OR1L8: variants seen among roughly 807,000 people sequenced by gnomAD.
The protein encoded by OR1L8 is olfactory receptor 1L8.
For missense variants in OR1L8, 330 were observed against 377.4 expected, an observed-to-expected ratio of 0.87 and a Z score of 1.04; for synonymous variants, 148 against 147.0, an observed-to-expected ratio of 1.01 and a Z score of -0.05.
the OR1L8 span, chr9:122,553,133 A>G: frequency 4.8e-6 from 7 of 1,455,480 alleles, no homozygotes; most frequent in Non-Finnish European, 6.6e-6. Context: ...ACACAGATGC[A>G]TATCTGTAAA....
chr9:122,571,326 C>T lies in OR1L8; in HGVS notation c.-213+1454G>A, dbSNP rs561095247. ...CAGCACTTTGGGAGGCTGAGGCAGGCGGATCACAAGGTCAGGAGATTGGGT... is the reference window on the plus strand; with the variant it reads ...CAGCACTTTGGGAGGCTGAGGCAGGTGGATCACAAGGTCAGGAGATTGGGT... On this transcript the variant is annotated intron_variant, in intron 4 of 4. Coordinates refer to ENST00000641027, the MANE Select transcript of OR1L8 (RefSeq NM_001004454.2). 6.1e-4 allele frequency among the ~76,000 whole-genome samples: 92 copies of T among 151,686 alleles called. 1 individual carries two copies. Among genetic ancestry groups the T allele is most frequent in the Non-Finnish European group, 4.4e-4 (30 of 67,912 alleles).
chr9:122,567,752 A>G lies in OR1L8; in HGVS notation c.726T>C (p.Cys242=). 1 of 1,614,164 alleles carries G rather than the reference A, an allele frequency of 6.2e-7. No homozygotes were observed. The highest frequency in any genetic ancestry group is 8.5e-7 in the Non-Finnish European group (1 of 1,180,014). The change falls in exon 5 of 5, where the codon TGT becomes TGC. Residue 242 remains cysteine (C), a synonymous_variant. Transcript: ENST00000641027. ...TSGKRKAFST[C]GFYLTVVTLF... is the part of the protein sequence containing the mutation. ...GCGTCACCACGGTGAGGTAAAAACC[A>G]CAGGTGGAGAAGGCTTTGCGTTTCC...
At chr9:122,581,616 A>G (rs112743527) in intron 1 of OR1L8, among the ~76,000 whole-genome samples, 19 of 152,270 alleles carry the variant, frequency 1.2e-4, no homozygotes, top group African/African-American at 3.9e-4. Context: ...AGAAAATGTG[A>G]ATTCACAGAG....
chr9:122,573,859 T>G (rs946283849), intron 3 of OR1L8, among the ~76,000 whole-genome samples: 7 of 152,242 alleles, frequency 4.6e-5, no homozygotes, highest in Non-Finnish European at 5.9e-5. Flanking sequence ...TTATCCTCTA[T>G]GAGTTTCACA....
the OR1L8 span, among the ~76,000 whole-genome samples, chr9:122,550,740 G>T: frequency 1.3e-5 from 2 of 151,770 alleles, no homozygotes; most frequent in Admixed American, 1.3e-4. Flanking sequence ...GGCCTAGAAG[G>T]AATATACCTA....
At chr9:122,577,795 T>G (rs1048320019) in intron 2 of OR1L8, among the ~76,000 whole-genome samples, 1 of 152,244 alleles carries the variant, frequency 6.6e-6, no homozygotes, top group Non-Finnish European at 1.5e-5. Flanking sequence ...CAAACATATC[T>G]GAAGAAAAAT....
the OR1L8 span, chr9:122,553,463 G>T: frequency 2.5e-6 from 4 of 1,614,040 alleles, no homozygotes; most frequent in Non-Finnish European, 3.4e-6. Context: ...TCCCCAAAAT[G>T]CTGGCCAACA....
chr9:122,562,459 A>T (rs10818718), downstream of OR1L8, among the ~76,000 whole-genome samples: 1 of 151,992 alleles, frequency 6.6e-6, no homozygotes, highest in East Asian at 1.9e-4. Flanking sequence ...AGGGGCTCTC[A>T]AGTGGGATCT....
chr9:122,556,503 A>G, the OR1L8 span, among the ~76,000 whole-genome samples: 86,715 of 151,574 alleles, frequency 0.57, 25,321 homozygotes, highest in East Asian at 0.97. Flanking sequence ...AGTAGTGTCC[A>G]CCGGGGCCTG....
the OR1L8 span, among the ~76,000 whole-genome samples, chr9:122,559,559 T>C: frequency 6.6e-6 from 1 of 152,330 alleles, no homozygotes; most frequent in Admixed American, 6.5e-5. Context: ...AACTTCTTGA[T>C]TTCTGCCTTA....
intron 1 of OR1L8, among the ~76,000 whole-genome samples, chr9:122,581,790 T>C (rs1467067353): frequency 6.6e-6 from 1 of 151,742 alleles, no homozygotes; most frequent in African/African-American, 2.4e-5. Flanking sequence ...CTACTAAAAC[T>C]AGAAAAATCA....
downstream of OR1L8, among the ~76,000 whole-genome samples, chr9:122,566,310 A>G (rs1222921516): frequency 6.6e-6 from 1 of 152,218 alleles, no homozygotes; most frequent in Non-Finnish European, 1.5e-5. Flanking sequence ...TTCCATTGGC[A>G]ATAAATGTTT....
At chr9:122,552,036 TAC>T in the OR1L8 span, among the ~76,000 whole-genome samples, 45,165 of 123,726 alleles carry the variant, frequency 0.37, 7,337 homozygotes, top group East Asian at 0.55. Context: ...GTAGGACACA[TAC>T]ACACACACAC....
chr9:122,578,040 AT>A (rs1829687069), intron 2 of OR1L8, among the ~76,000 whole-genome samples: 2 of 152,236 alleles, frequency 1.3e-5, no homozygotes, highest in South Asian at 4.1e-4. Flanking sequence ...GCTGGTGAGA[AT>A]GTAAATTAGT....
chr9:122,578,238 C>T (rs1293695389), intron 2 of OR1L8, 86 bp downstream of exon 2: 1 of 152,130 alleles, frequency 6.6e-6, no homozygotes, highest in Non-Finnish European at 1.5e-5. Flanking sequence ...ATCATGAGGT[C>T]AGGAGTTTGA....
chr9:122,568,450 C>T lies in OR1L8; in HGVS notation c.28G>A (p.Val10Ile), dbSNP rs758351898. 2.5e-6 allele frequency: 4 copies of T among 1,604,496 alleles called. No individual in the cohort carries two copies. The South Asian group carries it at 4.5e-5, about 18-fold the overall frequency. Residue 10 changes from valine (V) to isoleucine (I), a missense_variant, in exon 5 of 5, where the codon GTC (valine) becomes ATC (isoleucine). Val to Ile is a conservative substitution (Grantham distance 29). Coordinates refer to ENST00000641027, the MANE Select transcript of OR1L8 (RefSeq NM_001004454.2). MERINHTSS[V>I]SEFILLGLSS... ...AGTCCCAGGAGGATAAACTCGGAGA[C>T]ACTGCTGGTGTGGTTGATTCTTTCC...
the OR1L8 span, among the ~76,000 whole-genome samples, chr9:122,551,880 G>C: frequency 0.028 from 4,278 of 152,120 alleles, 96 homozygotes; most frequent in Middle Eastern, 0.082. Context: ...ATAAACTCTG[G>C]ACTCAATAGA....
downstream of OR1L8, among the ~76,000 whole-genome samples, chr9:122,565,307 T>C (rs76771831): frequency 0.046 from 6,961 of 152,318 alleles, 233 homozygotes; most frequent in Middle Eastern, 0.054. Flanking sequence ...CTGTGTCCCA[T>C]GTAAATACTC....
In OR1L8 at chr9:122,568,285, T is replaced by G. The variant is rs1564200104; in HGVS notation, c.193A>C (p.Ser65Arg). The change falls in exon 5 of 5, where the codon AGT becomes CGT. Residue 65 changes from serine (S) to arginine (R), a missense_variant. By Grantham distance (110) the Ser-to-Arg change is moderately radical. Coordinates refer to ENST00000641027, the MANE Select transcript of OR1L8 (RefSeq NM_001004454.2). ...CAAATATCAGTGAGAGACAGAAAACTCAAGAAGAAATACATAGGGGTCTGA... is the reference window on the plus strand; with the variant it reads ...CAAATATCAGTGAGAGACAGAAAACGCAAGAAGAAATACATAGGGGTCTGA... ...HLQTPMYFFL[S>R]FLSLTDICFT... is the part of the protein sequence containing the mutation. 3 of 1,614,012 alleles carry G rather than the reference T, an allele frequency of 1.9e-6. No individual in the cohort carries two copies. The highest frequency in any genetic ancestry group is 2.5e-6 in the Non-Finnish European group (3 of 1,179,960).
Sources: allele counts gnomAD v4.1 joint callset (sites outside exome capture counted in the v4.1 genomes callset), GRCh38; gene constraint gnomAD v4.1.1; transcripts MANE v1.5; gene names NCBI Gene and HGNC (gene_info 2026-07-23, HGNC 2026-07-21).